ABHD18: variants seen among roughly 807,000 people sequenced by gnomAD.
ABHD18 encodes the protein abhydrolase domain containing 18.
Under a neutral mutation model 65.9 loss-of-function variants are expected in ABHD18, and 55 were observed. That is an observed-to-expected ratio of 0.84 (90% CI 0.67 to 1.05). The LOEUF (loss-of-function observed/expected upper bound fraction) is 1.05, where lower values mean the gene tolerates loss of function less well. Ranked by LOEUF, ABHD18 falls within the 50% of genes least tolerant of loss-of-function variation. The probability of loss-of-function intolerance (pLI) is 0.00; values close to 1 mark genes in which losing one functional copy is unlikely to be tolerated. For missense variants in ABHD18, 533 were observed against 558.5 expected (o/e 0.95, Z 0.46); for synonymous variants, 181 against 180.2 (o/e 1.00, Z -0.04).
intron 8 of ABHD18, among the ~76,000 whole-genome samples, chr4:128,018,288 A>G (rs903823521): frequency 6.6e-6 from 1 of 152,194 alleles, no homozygotes; most frequent in Non-Finnish European, 1.5e-5. Context: ...CTTGGCACAT[A>G]TTAGTCACTC....
chr4:127,986,079 T>C lies in ABHD18; in HGVS notation c.177+1656T>C, dbSNP rs150472173. 4.1e-3 allele frequency among the ~76,000 whole-genome samples: 627 copies of C among 152,320 alleles called. 2 individuals are homozygous for C. The highest frequency in any genetic ancestry group is 7.6e-3 in the Non-Finnish European group (518 of 68,036). ...ATACAATTGAATGGTTTTTAAATTA[T>C]ATTACCAAGATGTGCAGCCATCAAC... On this transcript the variant is annotated intron_variant, in intron 3 of 12. Transcript: ENST00000645843.
Position 128,017,515 on chromosome 4 carries a change from T to A in ABHD18, c.609+14T>A, listed in dbSNP as rs1755730367. On this transcript the variant is annotated intron_variant, in intron 8 of 12. Transcript: ENST00000645843. ...ATGGGAGGACACGTAAGCCTTTTTA[T>A]TTCTGCTTACATTTAATTATGTTTA... The A allele has an allele frequency of 2.5e-6, 4 of 1,583,434 alleles. No homozygotes were observed. Among genetic ancestry groups the A allele is most frequent in the Non-Finnish European group, 3.4e-6 (4 of 1,169,972 alleles).
At chr4:128,001,105 GT>G (rs2149110814) in intron 4 of ABHD18, among the ~76,000 whole-genome samples, 1 of 152,186 alleles carries the variant, frequency 6.6e-6, no homozygotes, top group Non-Finnish European at 1.5e-5. Flanking sequence ...GACTTCCTCT[GT>G]TTCTATTTGG....
At chr4:127,994,593 A>T (rs1289131063) in intron 4 of ABHD18, among the ~76,000 whole-genome samples, 1 of 152,134 alleles carries the variant, frequency 6.6e-6, no homozygotes, top group African/African-American at 2.4e-5. Context: ...GTCTCAAAAC[A>T]AACAAAAAAA....
chr4:128,007,414 A>C (rs1463434837), intron 4 of ABHD18, among the ~76,000 whole-genome samples: 4 of 151,934 alleles, frequency 2.6e-5, no homozygotes, highest in Non-Finnish European at 5.9e-5. Context: ...GAAAAAACAT[A>C]AAACATTAAA....
At chr4:128,002,344 A>C (rs920217171) in intron 4 of ABHD18, among the ~76,000 whole-genome samples, 1 of 150,680 alleles carries the variant, frequency 6.6e-6, no homozygotes, top group African/African-American at 2.4e-5. Context: ...TGTCCCTGCA[A>C]TCTCAGCTGA....
chr4:127,983,531 C>T (rs1255842310), intron 2 of ABHD18, among the ~76,000 whole-genome samples: 1 of 151,816 alleles, frequency 6.6e-6, no homozygotes, highest in African/African-American at 2.4e-5. Context: ...TCAGAATTTC[C>T]GGATCAGCCT....
intron 1 of ABHD18, among the ~76,000 whole-genome samples, chr4:127,982,182 C>A (rs1384765416): frequency 1.3e-5 from 2 of 152,004 alleles, no homozygotes; most frequent in African/African-American, 4.8e-5. Flanking sequence ...AAATAAAAAA[C>A]AATTGAAAAA....
chr4:128,019,523 G>A (rs932519098), intron 8 of ABHD18, among the ~76,000 whole-genome samples: 1 of 152,162 alleles, frequency 6.6e-6, no homozygotes, highest in Non-Finnish European at 1.5e-5. Context: ...CATGAAGCCT[G>A]CCTTTCCCTT....
chr4:127,997,823 C>G (rs1751989362), intron 4 of ABHD18, among the ~76,000 whole-genome samples: 1 of 152,028 alleles, frequency 6.6e-6, no homozygotes, highest in Non-Finnish European at 1.5e-5. Context: ...CTTCCTTCTT[C>G]TTCTTTCTTC....
At chr4:127,983,562 C>G (rs976632607) in intron 2 of ABHD18, among the ~76,000 whole-genome samples, 10 of 151,882 alleles carry the variant, frequency 6.6e-5, no homozygotes, top group African/African-American at 2.2e-4. Context: ...GTAAAACCAT[C>G]TCTACTAAAC....
At chr4:127,991,379 A>G (rs1195867421) in intron 4 of ABHD18, among the ~76,000 whole-genome samples, 1 of 152,020 alleles carries the variant, frequency 6.6e-6, no homozygotes, top group Non-Finnish European at 1.5e-5. Context: ...GGCACCCACC[A>G]CACCTGGCTA....
intron 12 of ABHD18, among the ~76,000 whole-genome samples, chr4:128,033,959 CTTT>C (rs996416880): frequency 2.4e-5 from 3 of 123,440 alleles, no homozygotes; most frequent in African/African-American, 3.0e-5. Flanking sequence ...TTTCTTTTTT[CTTT>C]TTTTTTTTTT....
chr4:127,997,889 T>C (rs895149270), intron 4 of ABHD18, among the ~76,000 whole-genome samples: 16 of 151,902 alleles, frequency 1.1e-4, no homozygotes, highest in Admixed American at 3.9e-4. Context: ...TTTTTTTTTG[T>C]TTGTTTGTTT....
chr4:127,991,177 G>T (rs1750853078), intron 4 of ABHD18, among the ~76,000 whole-genome samples: 1 of 151,716 alleles, frequency 6.6e-6, no homozygotes, highest in South Asian at 2.1e-4. Context: ...TTAATGATTT[G>T]TGTTTTGTTT....
At chr4:127,987,229 G>A (rs917279338) in intron 3 of ABHD18, among the ~76,000 whole-genome samples, 2 of 151,976 alleles carry the variant, frequency 1.3e-5, no homozygotes, top group Non-Finnish European at 2.9e-5. Flanking sequence ...GTGCATGCCT[G>A]TAATCCCAGC....
chr4:127,980,991 T>C (rs2149066065), intron 1 of ABHD18, among the ~76,000 whole-genome samples: 1 of 152,314 alleles, frequency 6.6e-6, no homozygotes, highest in South Asian at 2.1e-4. Flanking sequence ...GAATTATCTG[T>C]ACCTGTGCTT....
At chr4:128,031,753 TAAAC>T (rs998747654) in intron 12 of ABHD18, among the ~76,000 whole-genome samples, 5 of 152,236 alleles carry the variant, frequency 3.3e-5, no homozygotes, top group Middle Eastern at 3.2e-3. Context: ...TTTTTAGAAA[TAAAC>T]CAATTGTTCA....
chr4:128,016,100 C>T (rs1251705670), intron 7 of ABHD18, among the ~76,000 whole-genome samples: 31 of 151,720 alleles, frequency 2.0e-4, no homozygotes, highest in Admixed American at 1.9e-3. Flanking sequence ...ATTACAGGCG[C>T]GTGCCACCAC....
Sources: allele counts gnomAD v4.1 joint callset (sites outside exome capture counted in the v4.1 genomes callset), GRCh38; gene constraint gnomAD v4.1.1; transcripts MANE v1.5; gene names NCBI Gene and HGNC (gene_info 2026-07-23, HGNC 2026-07-21).